ADAMTS18: variants seen among roughly 807,000 people sequenced by gnomAD.
ADAMTS18 encodes ADAM metallopeptidase with thrombospondin type 1 motif 18, also known as A disintegrin and metalloproteinase with thrombospondin motifs 18.
In ADAMTS18, 157 loss-of-function variants were observed where a neutral mutation model predicts 165.9. The ratio of observed to expected loss-of-function variants is 0.95; its 90% CI spans 0.83 to 1.08. The LOEUF (loss-of-function observed/expected upper bound fraction) is 1.08. Ranked by LOEUF, ADAMTS18 falls within the 50% of genes least tolerant of loss-of-function variation. The probability of loss-of-function intolerance (pLI) is 0.00; values close to 1 mark genes in which losing one functional copy is unlikely to be tolerated. For synonymous variants in ADAMTS18, 782 were observed against 578.2 expected (o/e 1.35, Z -5.06); for missense variants, 2,040 against 1,534.0 (o/e 1.33, Z -5.51).
intron 3 of ADAMTS18, among the ~76,000 whole-genome samples, chr16:77,394,873 G>T (rs922763622): frequency 6.6e-6 from 1 of 152,158 alleles, no homozygotes; most frequent in Admixed American, 6.5e-5. Context: ...AGCCAACTGG[G>T]CCATCCTCAC....
intron 21 of ADAMTS18, chr16:77,290,949 G>C (rs1013604051): frequency 7.1e-6 from 3 of 421,654 alleles, no homozygotes; most frequent in African/African-American, 6.1e-5. Flanking sequence ...GACTCGAGTG[G>C]TAGTTTCCGT....
At chr16:77,323,428 T>C (rs1365594341) in intron 13 of ADAMTS18, among the ~76,000 whole-genome samples, 1 of 152,176 alleles carries the variant, frequency 6.6e-6, no homozygotes. Flanking sequence ...TTCTCTCCCA[T>C]CTATAATTTT....
chr16:77,335,605 A>G, intron 12 of ADAMTS18, 151 bp downstream of exon 12: 1 of 940,862 alleles, frequency 1.1e-6, no homozygotes, highest in Non-Finnish European at 1.7e-6. Flanking sequence ...GTATCAACAC[A>G]TCACATGTAC....
At chr16:77,332,211 C>A (rs1473162573) in intron 12 of ADAMTS18, among the ~76,000 whole-genome samples, 1 of 152,188 alleles carries the variant, frequency 6.6e-6, no homozygotes, top group Non-Finnish European at 1.5e-5. Context: ...ATCCTCTGCA[C>A]TATGCTACCA....
chr16:77,297,824 C>T (rs2055503206), intron 17 of ADAMTS18, among the ~76,000 whole-genome samples: 1 of 150,276 alleles, frequency 6.7e-6, no homozygotes, highest in East Asian at 2.0e-4. Flanking sequence ...CATGAAATAT[C>T]TCATACTTCT....
chr16:77,378,570 C>T (rs926824503), intron 3 of ADAMTS18, among the ~76,000 whole-genome samples: 2 of 151,798 alleles, frequency 1.3e-5, no homozygotes, highest in African/African-American at 4.8e-5. Context: ...CAAAAATTAC[C>T]CAAGCATGGC....
At chr16:77,398,012 G>A (rs1310771360) in intron 3 of ADAMTS18, among the ~76,000 whole-genome samples, 1 of 152,078 alleles carries the variant, frequency 6.6e-6, no homozygotes, top group Non-Finnish European at 1.5e-5. Flanking sequence ...AAATCAGGAA[G>A]AAGTAATCTA....
At chr16:77,429,527 C>A (rs571686065) in intron 3 of ADAMTS18, among the ~76,000 whole-genome samples, 2 of 152,212 alleles carry the variant, frequency 1.3e-5, no homozygotes, top group South Asian at 2.1e-4. Flanking sequence ...GTACAACAAA[C>A]CCTTGTGACA....
At chr16:77,346,418 T>C (rs1478590732) in intron 10 of ADAMTS18, among the ~76,000 whole-genome samples, 1 of 152,156 alleles carries the variant, frequency 6.6e-6, no homozygotes, top group Non-Finnish European at 1.5e-5. Flanking sequence ...TATTTTAAAA[T>C]AGTCTTCATT....
At chr16:77,348,506 G>A (rs80247563) in intron 10 of ADAMTS18, among the ~76,000 whole-genome samples, 13,221 of 152,220 alleles carry the variant, frequency 0.087, 771 homozygotes, top group East Asian at 0.25. Flanking sequence ...ACAGTACTGT[G>A]GCATGCCTGC....
At chr16:77,310,323 A>C (rs1388014093) in intron 16 of ADAMTS18, among the ~76,000 whole-genome samples, 1 of 152,210 alleles carries the variant, frequency 6.6e-6, no homozygotes, top group East Asian at 1.9e-4. Flanking sequence ...ATTGTCTGAT[A>C]ACATAGGGTT....
At chr16:77,297,456 T>G (rs765244564) in intron 17 of ADAMTS18, 41 bp from the exon 18 acceptor site, 1 of 1,581,610 alleles carries the variant, frequency 6.3e-7, no homozygotes. Context: ...AATTACAGAT[T>G]ATTATTTCAA....
chr16:77,325,973 G>C lies in ADAMTS18; in HGVS notation c.1925C>G (p.Pro642Arg). Reference protein sequence around the residue: ...SRIYQLCNINPCNENSLDFRA... With the variant: ...SRIYQLCNINRCNENSLDFRA... Reference sequence around the variant, plus strand: ...AAAATCCAAGCTATTTTCATTGCAAGGGTTAATATTGCACAGCTGATAAAT... The same window carrying C: ...AAAATCCAAGCTATTTTCATTGCAACGGTTAATATTGCACAGCTGATAAAT... The change falls in exon 13 of 23, where the codon CCT (proline) becomes CGT (arginine). Residue 642 changes from proline (P) to arginine (R), a missense_variant. Coordinates refer to ENST00000282849, the MANE Select transcript of ADAMTS18 (RefSeq NM_199355.4). 1.9e-6 allele frequency: 3 copies of C among 1,613,928 alleles called. No individual in the cohort carries two copies. The highest frequency in any genetic ancestry group is 1.3e-5 in the African/African-American group (1 of 75,034).
At chr16:77,308,578 G>A (rs201795611) in intron 16 of ADAMTS18, among the ~76,000 whole-genome samples, 2 of 146,456 alleles carry the variant, frequency 1.4e-5, no homozygotes, top group Non-Finnish European at 3.0e-5. Flanking sequence ...AGCTAATCAT[G>A]AAAAAAAAAA....
At position 77,407,993 on chromosome 16, in the gene ADAMTS18, G is replaced by T. The variant is rs144928442; in HGVS notation, c.495+23302C>A. On this transcript the variant is annotated intron_variant, in intron 3 of 22. Coordinates refer to ENST00000282849, the MANE Select transcript of ADAMTS18 (RefSeq NM_199355.4). ...TAAAAAGGCATACCAGGATGTACAA[G>T]AAAATACTATTATCCAAAGAGATGC... Among the ~76,000 whole-genome samples, 6 of 152,030 alleles carry T rather than the reference G, an allele frequency of 3.9e-5. No individual in the cohort carries two copies. In the East Asian group the frequency reaches 1.2e-3, roughly 29 times the overall value.
chr16:77,367,058 AAT>A (rs2056805552), intron 4 of ADAMTS18, among the ~76,000 whole-genome samples: 1 of 152,126 alleles, frequency 6.6e-6, no homozygotes, highest in East Asian at 1.9e-4. Flanking sequence ...CTCACATGCT[AAT>A]GTTCTTGTTT....
chr16:77,318,632 A>G (rs2055930458), intron 16 of ADAMTS18, among the ~76,000 whole-genome samples: 2 of 152,168 alleles, frequency 1.3e-5, no homozygotes, highest in Admixed American at 6.5e-5. Flanking sequence ...TCCTGTGTTT[A>G]TTTGAGAAGA....
intron 3 of ADAMTS18, among the ~76,000 whole-genome samples, chr16:77,404,416 A>G (rs1240308279): frequency 6.6e-6 from 1 of 152,156 alleles, no homozygotes; most frequent in African/African-American, 2.4e-5. Context: ...ATAATCATAC[A>G]TACCTAGGAT....
At chr16:77,379,930 G>T (rs540937369) in intron 3 of ADAMTS18, among the ~76,000 whole-genome samples, 21 of 152,276 alleles carry the variant, frequency 1.4e-4, no homozygotes, top group African/African-American at 4.6e-4. Context: ...AAGTTGATTT[G>T]TCCAAGTAAT....
Sources: gnomAD v4.1 joint callset for allele counts (sites outside exome capture counted in the v4.1 genomes callset) on GRCh38, gnomAD v4.1.1 for gene constraint, MANE v1.5 for transcripts, NCBI Gene and HGNC (gene_info 2026-07-23, HGNC 2026-07-21) for gene names.